Variants in RYR2 observed in about 807,000 individuals in gnomAD.
RYR2 encodes the protein cardiac muscle ryanodine receptor-calcium release channel.
RYR2 carries 227 observed loss-of-function variants against 601.1 expected under a neutral mutation model. The ratio of observed to expected loss-of-function variants is 0.38; its 90% CI spans 0.34 to 0.42. The LOEUF is 0.42. RYR2 is among the 10% of genes least tolerant of loss of function. The pLI is 1.00. For synonymous variants in RYR2, 2,223 were observed against 2,175.1 expected (o/e 1.02, Z -0.61); for missense variants, 4,646 against 6,156.5 (o/e 0.75, Z 8.21).
At chr1:237,128,438 C>G (rs1671786634) in intron 1 of RYR2, among the ~76,000 whole-genome samples, 1 of 152,132 alleles carries the variant, frequency 6.6e-6, no homozygotes, top group East Asian at 1.9e-4. Context: ...TTTTAAATCC[C>G]TTCAGAAAGT....
chr1:237,654,521 C>A, intron 52 of RYR2, 107 bp downstream of exon 52: 3 of 1,078,866 alleles, frequency 2.8e-6, no homozygotes, highest in Non-Finnish European at 3.9e-6. Flanking sequence ...CTAACCAAGA[C>A]ACGTATGGCT....
intron 22 of RYR2, among the ~76,000 whole-genome samples, chr1:237,505,489 A>G (rs1284020124): frequency 1.3e-5 from 2 of 152,170 alleles, no homozygotes; most frequent in Non-Finnish European, 2.9e-5. Flanking sequence ...CCCCCTTTTT[A>G]TATCATGTTG....
chr1:237,468,599 CATTT>C (rs1277732394), intron 16 of RYR2, among the ~76,000 whole-genome samples: 1 of 152,102 alleles, frequency 6.6e-6, no homozygotes, highest in Admixed American at 6.5e-5. Context: ...TTTAATGTAA[CATTT>C]AGTTATATCT....
chr1:237,314,928 G>C (rs1419627859), intron 2 of RYR2, among the ~76,000 whole-genome samples: 1 of 152,070 alleles, frequency 6.6e-6, no homozygotes, highest in Non-Finnish European at 1.5e-5. Context: ...AAAAGAGAAG[G>C]CTGATTATTT....
chr1:237,650,126 T>C (rs751401273), intron 50 of RYR2, 29 bp downstream of exon 50: 1 of 1,583,360 alleles, frequency 6.3e-7, no homozygotes, highest in Admixed American at 1.7e-5. Context: ...CTATTCCGGC[T>C]TCTTCTTTAA....
rs143436408 is a variant in RYR2, at chr1:237,155,664, G to A, written c.48+113095G>A. ...CAGTTTGTTTCTAAATGATTTAGTA[G>A]TTTATGTAGGACCAGCTATTTAATG... On this transcript the variant is annotated intron_variant, in intron 1 of 104. Coordinates refer to ENST00000366574, the MANE Select transcript of RYR2 (RefSeq NM_001035.3). 1.9e-3 allele frequency among the ~76,000 whole-genome samples: 285 copies of A among 152,228 alleles called. 1 individual carries two copies. Among genetic ancestry groups the A allele is most frequent in the South Asian group, 4.1e-3 (20 of 4,820 alleles).
chr1:237,511,557 C>T, intron 23 of RYR2, 131 bp from the exon 24 acceptor site: 4 of 652,554 alleles, frequency 6.1e-6, no homozygotes, highest in Non-Finnish European at 1.1e-5. Context: ...GTTGTGGGGG[C>T]AGCTTTGCAG....
intron 99 of RYR2, among the ~76,000 whole-genome samples, chr1:237,806,642 C>G (rs1485787522): frequency 6.6e-6 from 1 of 152,158 alleles, no homozygotes; most frequent in African/African-American, 2.4e-5. Flanking sequence ...GCTCCACTTG[C>G]TATTATGGAG....
chr1:237,521,967 G>A (rs752882651), intron 24 of RYR2, among the ~76,000 whole-genome samples: 4 of 151,952 alleles, frequency 2.6e-5, no homozygotes, highest in Non-Finnish European at 2.9e-5. Flanking sequence ...CCTCTTCTTG[G>A]AATGCTCTTT....
intron 1 of RYR2, among the ~76,000 whole-genome samples, chr1:237,248,282 G>GCCCCC (rs1171897382): frequency 7.1e-5 from 1 of 14,066 alleles, no homozygotes; most frequent in Non-Finnish European, 1.6e-4. Flanking sequence ...CCGCAACCCC[G>GCCCCC]CCCCCCCCCC....
At chr1:237,120,045 T>C (rs976493625) in intron 1 of RYR2, among the ~76,000 whole-genome samples, 1 of 152,246 alleles carries the variant, frequency 6.6e-6, no homozygotes, top group Admixed American at 6.5e-5. Flanking sequence ...GTTTATTTTA[T>C]GATCTCTGGA....
intron 2 of RYR2, among the ~76,000 whole-genome samples, chr1:237,301,219 T>C (rs1693319939): frequency 1.3e-5 from 2 of 152,170 alleles, no homozygotes; most frequent in South Asian, 2.1e-4. Flanking sequence ...AAAAACTCTA[T>C]GCTAATCTCT....
intron 2 of RYR2, among the ~76,000 whole-genome samples, chr1:237,284,108 C>T (rs1256921013): frequency 5.3e-5 from 8 of 152,152 alleles, no homozygotes; most frequent in African/African-American, 1.7e-4. Flanking sequence ...TCTGGCCAGG[C>T]GTGGTGGCTC....
intron 1 of RYR2, among the ~76,000 whole-genome samples, chr1:237,066,342 A>C (rs1337014417): frequency 6.6e-6 from 1 of 152,224 alleles, no homozygotes; most frequent in African/African-American, 2.4e-5. Flanking sequence ...TCTTTGGGAT[A>C]AATGCCCAGG....
chr1:237,399,113 T>C (rs1238313543), intron 10 of RYR2, among the ~76,000 whole-genome samples: 1 of 152,192 alleles, frequency 6.6e-6, no homozygotes, highest in African/African-American at 2.4e-5. Context: ...TAGAATCACT[T>C]GAACTCAGGA....
At chr1:237,329,328 A>T (rs1343364460) in intron 2 of RYR2, among the ~76,000 whole-genome samples, 1 of 151,952 alleles carries the variant, frequency 6.6e-6, no homozygotes, top group Non-Finnish European at 1.5e-5. Flanking sequence ...GACTACAGCC[A>T]TGTGCCTTTT....
intron 1 of RYR2, among the ~76,000 whole-genome samples, chr1:237,163,429 G>A (rs936428578): frequency 2.9e-5 from 4 of 136,262 alleles, no homozygotes; most frequent in Non-Finnish European, 6.1e-5. Context: ...TACCCTCCAG[G>A]CCTCTGGGTT....
At chr1:237,588,244 A>G (rs1674753488) in intron 29 of RYR2, among the ~76,000 whole-genome samples, 2 of 152,058 alleles carry the variant, frequency 1.3e-5, no homozygotes, top group Admixed American at 1.3e-4. Flanking sequence ...TCATATGACT[A>G]TATGTTGCTG....
At chr1:237,546,111 A>G (rs186955384) in intron 25 of RYR2, among the ~76,000 whole-genome samples, 51 of 152,134 alleles carry the variant, frequency 3.4e-4, no homozygotes, top group African/African-American at 9.6e-4. Flanking sequence ...GTCGAATACA[A>G]TGATTTATAG....
Sources: gnomAD v4.1 joint callset for allele counts (sites outside exome capture counted in the v4.1 genomes callset) on GRCh38, gnomAD v4.1.1 for gene constraint, MANE v1.5 for transcripts, NCBI Gene and HGNC (gene_info 2026-07-23, HGNC 2026-07-21) for gene names.